GPAM: variants seen among roughly 807,000 people sequenced by gnomAD.
GPAM encodes glycerol-3-phosphate acyltransferase 1, mitochondrial.
In GPAM, 56 loss-of-function variants were observed where a neutral mutation model predicts 105.0. The observed-to-expected ratio is 0.53, with a 90% confidence interval of 0.43 to 0.67. The LOEUF (loss-of-function observed/expected upper bound fraction) is 0.67. GPAM is among the 30% of genes least tolerant of loss of function. GPAM has a pLI of 0.00. For synonymous variants in GPAM, 368 were observed against 354.4 expected, an observed-to-expected ratio of 1.04 and a Z score of -0.43; for missense variants, 855 against 989.8, an observed-to-expected ratio of 0.86 and a Z score of 1.83.
intron 1 of GPAM, among the ~76,000 whole-genome samples, chr10:112,208,014 G>A (rs867778845): frequency 5.3e-5 from 8 of 152,140 alleles, no homozygotes; most frequent in African/African-American, 1.9e-4. Flanking sequence ...CTTGGGATTC[G>A]GCTTGCCTGG....
At chr10:112,190,387 A>G (rs1451015154) in intron 1 of GPAM, among the ~76,000 whole-genome samples, 1 of 151,702 alleles carries the variant, frequency 6.6e-6, no homozygotes, top group Admixed American at 6.6e-5. Flanking sequence ...TGCCTGTAAT[A>G]CCAGCTGCTC....
rs544574670 is a variant in GPAM at position 112,149,922 on chromosome 10, C to A, written c.*3628G>T. The A allele has an allele frequency of 1.0e-6, 1 of 985,548 alleles. No individual in the cohort carries two copies. Among genetic ancestry groups the A allele is most frequent in the African/African-American group, 1.7e-5 (1 of 57,348 alleles). The allele number at this position is 985,548 out of a possible 1,614,324, so 61.1% of individuals were successfully genotyped here. On this transcript the variant is annotated 3_prime_UTR_variant, in exon 22 of 22. Transcript: ENST00000348367. ...TACATTTTCTGTGTTTCTTGCAATA[C>A]ACTAACAAGCATAAAAATCAATCAG...
intron 1 of GPAM, among the ~76,000 whole-genome samples, chr10:112,196,425 AG>A (rs1185506096): frequency 4.6e-5 from 7 of 152,202 alleles, no homozygotes; most frequent in Middle Eastern, 3.2e-3. Flanking sequence ...GACATATAAA[AG>A]CTCAAATATT....
At chr10:112,159,216 C>CTTTTTTT (rs35513817) in intron 17 of GPAM, among the ~76,000 whole-genome samples, 26 of 86,974 alleles carry the variant, frequency 3.0e-4, no homozygotes, top group East Asian at 1.1e-3. Context: ...AGATGATTTT[C>CTTTTTTT]TTTTTTTTTT....
chr10:112,196,115 A>G (rs1847720957), intron 1 of GPAM, among the ~76,000 whole-genome samples: 1 of 152,210 alleles, frequency 6.6e-6, no homozygotes, highest in Non-Finnish European at 1.5e-5. Context: ...CACATGCCCA[A>G]TACTCTTGAA....
intron 1 of GPAM, among the ~76,000 whole-genome samples, chr10:112,207,180 T>A (rs1847861627): frequency 6.6e-6 from 1 of 152,250 alleles, no homozygotes; most frequent in South Asian, 2.1e-4. Context: ...GAGGTACCAC[T>A]GGCATCTAGT....
At position 112,172,202 on chromosome 10, in the gene GPAM, A is replaced by G. The variant is rs373687542; in HGVS notation, c.774T>C (p.Asn258=). 53 of 1,608,950 alleles carry G rather than the reference A, an allele frequency of 3.3e-5. No individual in the cohort carries two copies. The highest frequency in any genetic ancestry group is 4.3e-5 in the Non-Finnish European group (50 of 1,175,440). ...CTTACCTGAAGATTGGGATGTTGAGATTATTGCCTGAAGCAATGTATGGTG... is the reference window on the plus strand; with the variant it reads ...CTTACCTGAAGATTGGGATGTTGAGGTTATTGCCTGAAGCAATGTATGGTG... ...IKAPYIASGN[N]LNIPIFSTLI... Residue 258 remains asparagine, a synonymous_variant, in exon 9 of 22, where the codon AAT becomes AAC. Coordinates refer to ENST00000348367, the MANE Select transcript of GPAM (RefSeq NM_001244949.2).
chr10:112,193,680 T>C (rs1847689824), intron 1 of GPAM, among the ~76,000 whole-genome samples: 2 of 152,224 alleles, frequency 1.3e-5, no homozygotes, highest in South Asian at 4.1e-4. Flanking sequence ...AGGGATATAT[T>C]ATTCAGCTAG....
intron 1 of GPAM, among the ~76,000 whole-genome samples, chr10:112,192,861 G>A (rs1847678249): frequency 6.6e-6 from 1 of 152,230 alleles, no homozygotes; most frequent in African/African-American, 2.4e-5. Context: ...CAACCAGGAA[G>A]AGAAGAAGTG....
chr10:112,174,916 T>C (rs1279087839), intron 6 of GPAM, among the ~76,000 whole-genome samples: 4 of 152,220 alleles, frequency 2.6e-5, no homozygotes, highest in African/African-American at 7.2e-5. Flanking sequence ...ATGACACTTA[T>C]GAATTTAAAG....
At chr10:112,211,997 A>T (rs1480688822) in intron 1 of GPAM, among the ~76,000 whole-genome samples, 1 of 152,194 alleles carries the variant, frequency 6.6e-6, no homozygotes, top group Non-Finnish European at 1.5e-5. Flanking sequence ...AGAGAAGAGA[A>T]GAGGAAGGGC....
chr10:112,161,562 G>T, intron 15 of GPAM, 105 bp downstream of exon 15: 1 of 831,450 alleles, frequency 1.2e-6, no homozygotes, highest in Non-Finnish European at 2.1e-6. Context: ...TTACCTCATA[G>T]TACTAGCCAT....
chr10:112,218,776 G>A (rs967399057), upstream of GPAM, among the ~76,000 whole-genome samples: 5 of 152,234 alleles, frequency 3.3e-5, no homozygotes, highest in African/African-American at 1.2e-4. Context: ...TTCAACTCAT[G>A]AGGTTTTTTA....
chr10:112,198,875 G>C (rs1847757298), intron 1 of GPAM, among the ~76,000 whole-genome samples: 1 of 151,986 alleles, frequency 6.6e-6, no homozygotes, highest in African/African-American at 2.4e-5. Context: ...CATTTGCAAT[G>C]ACATGGATAA....
intron 1 of GPAM, among the ~76,000 whole-genome samples, chr10:112,196,455 T>G (rs1589605948): frequency 6.6e-6 from 1 of 152,238 alleles, no homozygotes; most frequent in Non-Finnish European, 1.5e-5. Flanking sequence ...GAAAATTTAT[T>G]CTCTTGGGTG....
At chr10:112,189,932 G>T (rs1847636611) in intron 1 of GPAM, among the ~76,000 whole-genome samples, 1 of 152,050 alleles carries the variant, frequency 6.6e-6, no homozygotes, top group Non-Finnish European at 1.5e-5. Flanking sequence ...AATGAAATGG[G>T]CAGCTTAGAC....
At chr10:112,153,940 A>G (rs1473744529) in intron 21 of GPAM, 3 of 380,118 alleles carry the variant, frequency 7.9e-6, no homozygotes, top group East Asian at 6.0e-5. Context: ...CAACATAACT[A>G]TACTCTAAAA....
intron 1 of GPAM, among the ~76,000 whole-genome samples, chr10:112,201,143 T>C (rs1847792269): frequency 6.6e-6 from 1 of 152,158 alleles, no homozygotes; most frequent in African/African-American, 2.4e-5. Flanking sequence ...GGCCAGAAGA[T>C]GTGTCTGCTG....
chr10:112,154,251 T>TC (rs1564808848), intron 21 of GPAM: 15 of 268,404 alleles, frequency 5.6e-5, no homozygotes, highest in African/African-American at 3.3e-4. Flanking sequence ...ACGCTCAACC[T>TC]GTAAGTCTAA....
Sources: allele counts gnomAD v4.1 joint callset (sites outside exome capture counted in the v4.1 genomes callset), GRCh38; gene constraint gnomAD v4.1.1; transcripts MANE v1.5; gene names NCBI Gene and HGNC (gene_info 2026-07-23, HGNC 2026-07-21).